MAPK15: variants seen among roughly 807,000 people sequenced by gnomAD.
MAPK15 encodes the protein mitogen-activated protein kinase 15.
Under a neutral mutation model 60.8 loss-of-function variants are expected in MAPK15, and 61 were observed. That is an observed-to-expected ratio of 1.00 (90% CI 0.82 to 1.24). MAPK15 has a LOEUF of 1.24. MAPK15 is among the 50% of genes most tolerant of loss of function. The pLI is 0.00. For missense variants in MAPK15, 808 were observed against 741.1 expected (o/e 1.09, Z -1.05); for synonymous variants, 356 against 319.9 (o/e 1.11, Z -1.21).
rs111412947 is a variant in MAPK15, at chr8:143,720,305, G to A, written c.779+18G>A. 2.9e-5 allele frequency: 46 copies of A among 1,573,464 alleles called. 1 individual carries two copies. Among genetic ancestry groups the A allele is most frequent in the African/African-American group, 2.2e-4 (16 of 74,310 alleles). On this transcript the variant is annotated intron_variant, in intron 8 of 13. Transcript: ENST00000338033. The surrounding 1 kb of genome is among the most constrained non-coding windows in gnomAD (Gnocchi z 4.6). ...GGGTCCCGGTGAGTGGGGGCACTTC[G>A]GTGAGGGTGACAGGGTGGCCTATCT... is the stretch of plus-strand genomic sequence containing the variant.
chr8:143,719,246 G>A, intron 6 of MAPK15, 90 bp downstream of exon 6: 2 of 1,516,674 alleles, frequency 1.3e-6, no homozygotes, highest in Non-Finnish European at 1.8e-6. Context: ...CTCCGACCCT[G>A]CCTTGGTCCA....
At chr8:143,717,231 C>T (rs1455134140) in intron 1 of MAPK15, among the ~76,000 whole-genome samples, 1 of 152,082 alleles carries the variant, frequency 6.6e-6, no homozygotes, top group African/African-American at 2.4e-5. Flanking sequence ...GAGCGGCAGA[C>T]GGAGATGAGT....
intron 7 of MAPK15, among the ~76,000 whole-genome samples, chr8:143,719,966 G>A (rs1264936825): frequency 6.6e-6 from 1 of 152,116 alleles, no homozygotes; most frequent in African/African-American, 2.4e-5. Flanking sequence ...CTCCTGGGCC[G>A]TGGAGGTGGG....
At position 143,720,670 on chromosome 8, in the gene MAPK15, C is replaced by A. The variant is rs782485089; in HGVS notation, c.780-33C>A. 8.2e-6 allele frequency: 13 copies of A among 1,592,508 alleles called. No individual in the cohort carries two copies. The highest frequency in any genetic ancestry group is 1.8e-5 in the Admixed American group (1 of 55,834). On this transcript the variant is annotated intron_variant, in intron 8 of 13. Coordinates refer to ENST00000338033, the MANE Select transcript of MAPK15 (RefSeq NM_139021.3). This position sits in a 1 kb window ranked among gnomAD's most constrained non-coding sequence, Gnocchi z 4.6. ...TGGATCTGAGGAGGGGCCCTTGGGT[C>A]GGGCCCTGGAGACGACACACGGCAG... is the stretch of plus-strand genomic sequence containing the variant.
Position 143,718,415 on chromosome 8 carries a change from C to T in MAPK15, c.286+113C>T, listed in dbSNP as rs1817899243. 6 of 965,122 alleles carry T rather than the reference C, an allele frequency of 6.2e-6. No homozygotes were observed. In the African/African-American group the frequency reaches 8.1e-5, roughly 13 times the overall value. 59.8% of individuals were successfully genotyped at this position (965,122 alleles called of 1,614,324 possible). A position where few individuals can be genotyped will look rare whatever the true frequency, so the allele number is the denominator to read the frequency against. ...TCCCTCTGCAGCTGGCCCACAGTGG[C>T]TTGCTCCCTCACCATGTACCCTGGA... On this transcript the variant is annotated intron_variant, in intron 4 of 13. Coordinates refer to ENST00000338033, the MANE Select transcript of MAPK15 (RefSeq NM_139021.3).
Position 143,721,421 on chromosome 8 carries a change from C to A in MAPK15, c.1204+10C>A. 1 of 1,609,352 alleles carries A rather than the reference C, an allele frequency of 6.2e-7. No individual in the cohort carries two copies. Among genetic ancestry groups the A allele is most frequent in the Non-Finnish European group, 8.5e-7 (1 of 1,177,510 alleles). ...GACCCTGCCGAGCACGGTGTGTGAT[C>A]TTTGCTGGCCGCCCACGCGGAGCAC... On this transcript the variant is annotated intron_variant, in intron 11 of 13. Transcript: ENST00000338033.
At chr8:143,721,520 A>AC (rs782373798) in intron 11 of MAPK15, 29 bp from the exon 12 acceptor site, 1 of 1,612,694 alleles carries the variant, frequency 6.2e-7, no homozygotes, top group South Asian at 1.1e-5. Flanking sequence ...TGACCCACTG[A>AC]CCCCGGGGTT....
Position 143,720,380 on chromosome 8 carries a change from C to A in MAPK15, c.779+93C>A. ...CAAGTTTACTGGGGCCAGTTTGTAC[C>A]AGTTCAGATTCTGCCTGTTTTCAAG... On this transcript the variant is annotated intron_variant, in intron 8 of 13. Coordinates refer to ENST00000338033, the MANE Select transcript of MAPK15 (RefSeq NM_139021.3). This position sits in a 1 kb window ranked among gnomAD's most constrained non-coding sequence, Gnocchi z 4.6. 2 of 1,461,554 alleles carry A rather than the reference C, an allele frequency of 1.4e-6. No individual in the cohort carries two copies. Among genetic ancestry groups the A allele is most frequent in the Non-Finnish European group, 1.8e-6 (2 of 1,103,084 alleles). 90.5% of individuals were successfully genotyped at this position (1,461,554 alleles called of 1,614,324 possible).
rs1817918084 is a variant in MAPK15, at chr8:143,718,835, C to T, written c.347C>T (p.Ser116Phe). Residue 116 changes from serine (S) to phenylalanine (F), a missense_variant, in exon 5 of 14, where the codon TCC becomes TTC. Transcript: ENST00000338033. ...GGLLQDVHVR[S>F]IFYQLLRATR... ...CTGCTGCAGGACGTCCACGTGCGCT[C>T]CATCTTCTACCAGCTCCTGCGGGCC... is the stretch of plus-strand genomic sequence containing the variant. 3 of 1,612,332 alleles carry T rather than the reference C, an allele frequency of 1.9e-6. No homozygotes were observed. The highest frequency in any genetic ancestry group is 1.1e-5 in the South Asian group (1 of 90,962).
In MAPK15 at chr8:143,718,848, GC is replaced by G; in HGVS notation, c.361del (p.Leu121SerfsTer31). 1 of 1,612,206 alleles carries G rather than the reference GC, an allele frequency of 6.2e-7. No homozygotes were observed. Among genetic ancestry groups the G allele is most frequent in the Non-Finnish European group, 8.5e-7 (1 of 1,179,752 alleles). ...TCCACGTGCGCTCCATCTTCTACCA[GC>G]TCCTGCGGGCCACCCGGTTCCTCCA... The part of the protein sequence containing the change: ...DVHVRSIFYQ[L>X]LRATRFLHSG... On this transcript the variant is annotated frameshift_variant, in exon 5 of 14. Transcript: ENST00000338033. LOFTEE classifies it high-confidence loss of function.
Position 143,721,919 on chromosome 8 carries a change from C to G in MAPK15, c.1458+39C>G. Reference sequence around the variant, plus strand: ...AGTCTGCCCCCGTCCCCTCATCCTCCTTTCCCCTTTCCCCTTCCCCCCTGC... The same window carrying G: ...AGTCTGCCCCCGTCCCCTCATCCTCGTTTCCCCTTTCCCCTTCCCCCCTGC... On this transcript the variant is annotated intron_variant, in intron 13 of 13. Transcript: ENST00000338033. The G allele has an allele frequency of 7.2e-6, 11 of 1,527,542 alleles. No individual in the cohort carries two copies. In the South Asian group the frequency reaches 1.3e-4, roughly 17 times the overall value. The allele number at this position is 1,527,542 out of a possible 1,614,324, so 94.6% of individuals were successfully genotyped here.
intron 3 of MAPK15, 60 bp from the exon 4 acceptor site, chr8:143,718,152 T>G (rs1817884509): frequency 1.2e-6 from 2 of 1,613,014 alleles, no homozygotes; most frequent in East Asian, 4.5e-5. Flanking sequence ...AAACTGGCCT[T>G]CTTGGGCCCC....
At position 143,720,671 on chromosome 8, in the gene MAPK15, G is replaced by T. The variant is rs782567055; in HGVS notation, c.780-32G>T. 4.4e-6 allele frequency: 7 copies of T among 1,594,652 alleles called. No individual in the cohort carries two copies. In the South Asian group the frequency reaches 7.9e-5, roughly 18 times the overall value. ...GGATCTGAGGAGGGGCCCTTGGGTCGGGCCCTGGAGACGACACACGGCAGC... is the reference window on the plus strand; with the variant it reads ...GGATCTGAGGAGGGGCCCTTGGGTCTGGCCCTGGAGACGACACACGGCAGC... On this transcript the variant is annotated intron_variant, in intron 8 of 13. Coordinates refer to ENST00000338033, the MANE Select transcript of MAPK15 (RefSeq NM_139021.3). This position sits in a 1 kb window ranked among gnomAD's most constrained non-coding sequence, Gnocchi z 4.6.
In MAPK15 at chr8:143,720,130, C is replaced by T; in HGVS notation, c.722-100C>T. The T allele has an allele frequency of 6.7e-7, 1 of 1,496,548 alleles. No homozygotes were observed. Among genetic ancestry groups the T allele is most frequent in the Non-Finnish European group, 9.0e-7 (1 of 1,113,124 alleles). 92.7% of individuals were successfully genotyped at this position (1,496,548 alleles called of 1,614,324 possible). A position where few individuals can be genotyped will look rare whatever the true frequency, so the allele number is the denominator to read the frequency against. ...AGACAGCAGAAACCCTGTAGAGAGG[C>T]TGTGCTCCCTGGGGCTGGAAGAGAT... On this transcript the variant is annotated intron_variant, in intron 7 of 13. Coordinates refer to ENST00000338033, the MANE Select transcript of MAPK15 (RefSeq NM_139021.3). This position sits in a 1 kb window ranked among gnomAD's most constrained non-coding sequence, Gnocchi z 4.6.
In MAPK15 at chr8:143,721,037, G is replaced by C; in HGVS notation, c.955G>C (p.Asp319His). 1.2e-6 allele frequency: 2 copies of C among 1,611,970 alleles called. No individual in the cohort carries two copies. Among genetic ancestry groups the C allele is most frequent in the South Asian group, 1.1e-5 (1 of 91,036 alleles). The change falls in exon 10 of 14, where the codon GAT becomes CAT. Residue 319 changes from aspartate to histidine, a missense_variant. Transcript: ENST00000338033. ...CAGCGACGAGTGGGCACGAGAGGCA[G>C]ATGTGCGGCCCCGGGCACACGAAGG... ...CPSDEWAREA[D>H]VRPRAHEGVQ...
chr8:143,720,310 G>A lies in MAPK15; in HGVS notation c.779+23G>A. ...CCGGTGAGTGGGGGCACTTCGGTGA[G>A]GGTGACAGGGTGGCCTATCTCAAGG... On this transcript the variant is annotated intron_variant, in intron 8 of 13. Transcript: ENST00000338033. This position sits in a 1 kb window ranked among gnomAD's most constrained non-coding sequence, Gnocchi z 4.6. The A allele has an allele frequency of 1.9e-6, 3 of 1,562,126 alleles. No homozygotes were observed. Among genetic ancestry groups the A allele is most frequent in the South Asian group, 2.4e-5 (2 of 84,036 alleles).
At chr8:143,716,585 T>C in intron 1 of MAPK15, 142 bp downstream of exon 1, 2 of 685,512 alleles carry the variant, frequency 2.9e-6, no homozygotes, top group Non-Finnish European at 4.6e-6. Context: ...GGAGAGGTGG[T>C]CTGGAGCCCC....
Position 143,719,106 on chromosome 8 carries a change from C to T in MAPK15, c.531C>T (p.Tyr177=), listed in dbSNP as rs145567559. The T allele has an allele frequency of 5.1e-4, 794 of 1,562,694 alleles. 4 individuals carry two copies. In the African/African-American group the frequency reaches 9.3e-3, roughly 18 times the overall value. The stretch of plus-strand genomic sequence containing the variant: ...CTGAGGACCAGGCCGTGACAGAGTA[C>T]GTGGCCACACGCTGGTACCGAGCAC... ...EGPEDQAVTE[Y]VATRWYRAPE... is the part of the protein sequence containing the mutation. Residue 177 remains tyrosine (Y), a synonymous_variant, in exon 6 of 14, where the codon TAC becomes TAT. Transcript: ENST00000338033.
At chr8:143,721,492 G>C (rs1587442161) in intron 11 of MAPK15, 57 bp from the exon 12 acceptor site, 2 of 1,612,668 alleles carry the variant, frequency 1.2e-6, no homozygotes, top group African/African-American at 1.3e-5. Flanking sequence ...CGCAGCATTC[G>C]GTTCCTGACC....
Sources: allele counts gnomAD v4.1 joint callset (sites outside exome capture counted in the v4.1 genomes callset), GRCh38; gene constraint gnomAD v4.1.1; non-coding constraint Gnocchi (gnomAD v3.1); transcripts MANE v1.5; gene names NCBI Gene and HGNC (gene_info 2026-07-23, HGNC 2026-07-21).